KAT2B: variants seen among roughly 807,000 people sequenced by gnomAD.
The protein encoded by KAT2B is histone acetyltransferase KAT2B.
KAT2B carries 36 observed loss-of-function variants against 105.9 expected under a neutral mutation model. The observed-to-expected ratio is 0.34, with a 90% confidence interval of 0.26 to 0.45. The LOEUF is 0.45. Ranked by LOEUF, KAT2B falls within the 20% of genes least tolerant of loss-of-function variation. KAT2B has a pLI of 1.00. For synonymous variants in KAT2B, 397 were observed against 377.9 expected (o/e 1.05, Z -0.59); for missense variants, 820 against 1,021.6 (o/e 0.80, Z 2.69).
rs147518139 is a variant in KAT2B at position 20,115,128 on chromosome 3, C to T, written c.1150+140C>T. ...GTCAAATGCTGGCTATTTTCAAACCCAATTATAGTCTCAGTCGATGGCTAG... is the reference window on the plus strand; with the variant it reads ...GTCAAATGCTGGCTATTTTCAAACCTAATTATAGTCTCAGTCGATGGCTAG... On this transcript the variant is annotated intron_variant, in intron 7 of 17. Coordinates refer to ENST00000263754, the MANE Select transcript of KAT2B (RefSeq NM_003884.5). 2.0e-5 allele frequency: 12 copies of T among 605,794 alleles called. No homozygotes were observed. The African/African-American group carries it at 2.2e-4, about 11-fold the overall frequency. 37.5% of individuals were successfully genotyped at this position (605,794 alleles called of 1,614,324 possible).
chr3:20,102,307 A>G (rs886102956), intron 5 of KAT2B, among the ~76,000 whole-genome samples: 2 of 152,170 alleles, frequency 1.3e-5, no homozygotes, highest in African/African-American at 2.4e-5. Flanking sequence ...TCTGTCTCAA[A>G]AAAAAAATTT....
intron 2 of KAT2B, among the ~76,000 whole-genome samples, chr3:20,085,036 A>G (rs1698588289): frequency 6.6e-6 from 1 of 152,178 alleles, no homozygotes; most frequent in South Asian, 2.1e-4. Context: ...TTCATAGCTT[A>G]TCACAAAAAG....
At chr3:20,091,235 G>A (rs1698713474) in intron 2 of KAT2B, among the ~76,000 whole-genome samples, 1 of 152,030 alleles carries the variant, frequency 6.6e-6, no homozygotes, top group South Asian at 2.1e-4. Flanking sequence ...AGTTTTGGTA[G>A]GTTGTACATT....
intron 2 of KAT2B, among the ~76,000 whole-genome samples, chr3:20,080,376 C>T (rs568417268): frequency 1.4e-4 from 22 of 152,318 alleles, no homozygotes; most frequent in African/African-American, 5.1e-4. Context: ...CCTTCATTTT[C>T]TGCCAGGGAA....
chr3:20,067,418 C>T (rs1405617009), intron 1 of KAT2B, among the ~76,000 whole-genome samples: 1 of 152,012 alleles, frequency 6.6e-6, no homozygotes, highest in Non-Finnish European at 1.5e-5. Context: ...TATGAGCCCC[C>T]AGTGAACACA....
intron 14 of KAT2B, 165 bp downstream of exon 14, chr3:20,146,595 T>C: frequency 5.7e-6 from 3 of 527,384 alleles, no homozygotes; most frequent in Non-Finnish European, 1.0e-5. Flanking sequence ...TTTTATGTCT[T>C]CCCTACCACC....
At chr3:20,142,813 T>C (rs1159950840) in intron 13 of KAT2B, among the ~76,000 whole-genome samples, 1 of 152,182 alleles carries the variant, frequency 6.6e-6, no homozygotes, top group African/African-American at 2.4e-5. Context: ...ACCATTGTTA[T>C]GTCGGTGATG....
chr3:20,151,397 T>C (rs1024403210), intron 17 of KAT2B, among the ~76,000 whole-genome samples: 1 of 152,156 alleles, frequency 6.6e-6, no homozygotes, highest in African/African-American at 2.4e-5. Context: ...CCCCTGGAAA[T>C]TTTATAACAT....
intron 2 of KAT2B, among the ~76,000 whole-genome samples, chr3:20,082,257 A>T (rs985953413): frequency 6.6e-6 from 1 of 152,112 alleles, no homozygotes; most frequent in African/African-American, 2.4e-5. Context: ...CTGGTCTCGA[A>T]CTACTGACCT....
intron 5 of KAT2B, among the ~76,000 whole-genome samples, chr3:20,106,986 TATATATATATATATATATATATATATATA>T (rs1184031817): frequency 2.0e-4 from 2 of 10,132 alleles, no homozygotes; most frequent in African/African-American, 3.5e-4. Context: ...TATGTATATA[TATATATATATATATATATATATATATATA>T]TTTTTTTTTT....
intron 1 of KAT2B, among the ~76,000 whole-genome samples, chr3:20,059,698 C>T (rs1461124326): frequency 1.3e-5 from 2 of 152,118 alleles, no homozygotes; most frequent in African/African-American, 4.8e-5. Context: ...GAGCGAGACT[C>T]CATCTCAAAA....
intron 1 of KAT2B, among the ~76,000 whole-genome samples, chr3:20,059,646 G>A (rs111721688): frequency 0.057 from 8,641 of 152,012 alleles, 515 homozygotes; most frequent in South Asian, 0.32. Context: ...TGGAGCTTGC[G>A]GTGAGCCGAG....
chr3:20,051,484 C>T (rs1697915456), intron 1 of KAT2B, among the ~76,000 whole-genome samples: 1 of 152,162 alleles, frequency 6.6e-6, no homozygotes, highest in African/African-American at 2.4e-5. Flanking sequence ...AGTCGGTGAG[C>T]CATGCAGAAC....
In KAT2B at chr3:20,146,434, C is replaced by A; in HGVS notation, c.2119+4C>A. 6.5e-7 allele frequency: 1 copy of A among 1,527,310 alleles called. No individual in the cohort carries two copies. Among genetic ancestry groups the A allele is most frequent in the Non-Finnish European group, 9.0e-7 (1 of 1,114,880 alleles). The allele number at this position is 1,527,310 out of a possible 1,614,324, so 94.6% of individuals were successfully genotyped here. A position where few individuals can be genotyped will look rare whatever the true frequency, so the allele number is the denominator to read the frequency against. ...ATAGAAAGCATTCCTGGAATTAGTA[C>A]GTATAGACCTTCTTTTAAAAGCGAA... On this transcript the variant is annotated splice_donor_region_variant and intron_variant, in intron 14 of 17. Transcript: ENST00000263754.
rs1285338788 is a variant in KAT2B at position 20,142,768 on chromosome 3, A to G, written c.2004+2404A>G. Among the ~76,000 whole-genome samples the G allele has an allele frequency of 7.1e-5, 10 of 140,374 alleles. No individual in the cohort carries two copies. In the East Asian group the frequency reaches 1.2e-3, roughly 16 times the overall value. The allele number at this position is 140,374 out of a possible 152,430, so 92.1% of individuals were successfully genotyped here. A position where few individuals can be genotyped will look rare whatever the true frequency, so the allele number is the denominator to read the frequency against. ...TGCATTAGCAGAGGCTCAGAGTCCAATGGAAACAGATTTGTGGGCACATGA... is the reference window on the plus strand; with the variant it reads ...TGCATTAGCAGAGGCTCAGAGTCCAGTGGAAACAGATTTGTGGGCACATGA... On this transcript the variant is annotated intron_variant, in intron 13 of 17. Coordinates refer to ENST00000263754, the MANE Select transcript of KAT2B (RefSeq NM_003884.5).
intron 1 of KAT2B, among the ~76,000 whole-genome samples, chr3:20,050,690 C>T (rs1697900226): frequency 6.6e-6 from 1 of 151,284 alleles, no homozygotes; most frequent in South Asian, 2.1e-4. Context: ...ATGTGGACAA[C>T]CTCATGGGAT....
At chr3:20,087,622 A>G (rs1698643807) in intron 2 of KAT2B, among the ~76,000 whole-genome samples, 2 of 152,168 alleles carry the variant, frequency 1.3e-5, no homozygotes, top group Non-Finnish European at 2.9e-5. Context: ...TTCTGTGTAA[A>G]TGAAACTTTG....
At chr3:20,125,246 A>G (rs1048908981) in intron 9 of KAT2B, among the ~76,000 whole-genome samples, 2 of 146,096 alleles carry the variant, frequency 1.4e-5, no homozygotes, top group African/African-American at 2.5e-5. Flanking sequence ...CGGAGCTTGC[A>G]GTGAGCTGAG....
intron 2 of KAT2B, among the ~76,000 whole-genome samples, chr3:20,088,101 A>G (rs78148265): frequency 1.3e-5 from 2 of 152,314 alleles, no homozygotes; most frequent in East Asian, 3.9e-4. Context: ...TTAAGGCTGA[A>G]TAGTATTTGA....
Sources: gnomAD v4.1 joint callset for allele counts (sites outside exome capture counted in the v4.1 genomes callset) on GRCh38, gnomAD v4.1.1 for gene constraint, MANE v1.5 for transcripts, NCBI Gene and HGNC (gene_info 2026-07-23, HGNC 2026-07-21) for gene names.